MUSK: variants seen among roughly 807,000 people sequenced by gnomAD.
MUSK encodes muscle associated receptor tyrosine kinase, also known as muscle, skeletal receptor tyrosine-protein kinase.
In MUSK, 55 loss-of-function variants were observed where a neutral mutation model predicts 88.7. The ratio of observed to expected loss-of-function variants is 0.62; its 90% CI spans 0.50 to 0.78. The LOEUF is 0.78. MUSK is among the 30% of genes least tolerant of loss of function. The pLI, the probability that MUSK is intolerant of heterozygous loss-of-function variation, is 0.00. For missense variants in MUSK, 1,015 were observed against 1,074.3 expected (o/e 0.94, Z 0.77); for synonymous variants, 387 against 391.9 (o/e 0.99, Z 0.15).
chr9:110,732,949 T>G (rs550534122), intron 5 of MUSK, among the ~76,000 whole-genome samples: 65 of 152,242 alleles, frequency 4.3e-4, no homozygotes, highest in African/African-American at 1.6e-3. Context: ...TAAGAGGTAC[T>G]CAACAATGAG....
intron 8 of MUSK, among the ~76,000 whole-genome samples, chr9:110,767,510 A>G (rs1483580316): frequency 6.6e-6 from 1 of 152,194 alleles, no homozygotes; most frequent in Non-Finnish European, 1.5e-5. Flanking sequence ...ATTAACTAAG[A>G]GTAGTCAGAT....
At chr9:110,684,254 A>G (rs1334842283) in intron 2 of MUSK, among the ~76,000 whole-genome samples, 1 of 151,956 alleles carries the variant, frequency 6.6e-6, no homozygotes, top group Non-Finnish European at 1.5e-5. Flanking sequence ...TTCCCAGTGT[A>G]TGTTCTTGGT....
chr9:110,751,686 A>C (rs1287977426), intron 7 of MUSK, among the ~76,000 whole-genome samples: 1 of 152,078 alleles, frequency 6.6e-6, no homozygotes. Flanking sequence ...CCTGGAAGTG[A>C]GGCTTGAAGC....
intron 8 of MUSK, among the ~76,000 whole-genome samples, chr9:110,765,632 G>A (rs1234722235): frequency 6.6e-6 from 1 of 152,134 alleles, no homozygotes; most frequent in Non-Finnish European, 1.5e-5. Flanking sequence ...GGAGTGCAGA[G>A]GTGCAATCTC....
At chr9:110,774,789 A>G (rs906049379) in intron 9 of MUSK, among the ~76,000 whole-genome samples, 3 of 152,076 alleles carry the variant, frequency 2.0e-5, no homozygotes, top group Non-Finnish European at 4.4e-5. Context: ...TGCATACTCA[A>G]TTAGCACATA....
At position 110,801,052 on chromosome 9, in the gene MUSK, T is replaced by C. The variant is rs2078091217; in HGVS notation, c.*64T>C. 7.3e-7 allele frequency: 1 copy of C among 1,375,058 alleles called. No individual in the cohort carries two copies. Among genetic ancestry groups the C allele is most frequent in the Non-Finnish European group, 9.6e-7 (1 of 1,042,774 alleles). The allele number at this position is 1,375,058 out of a possible 1,614,324, so 85.2% of individuals were successfully genotyped here. A position where few individuals can be genotyped will look rare whatever the true frequency, so the allele number is the denominator to read the frequency against. ...CAGACTCTGTGAGCCAGGGGAATCC[T>C]ACACCAGAGGCCCAACAAGACCCAC... On this transcript the variant is annotated 3_prime_UTR_variant, in exon 15 of 15. Transcript: ENST00000374448.
At chr9:110,681,718 G>A (rs759761939) in intron 1 of MUSK, among the ~76,000 whole-genome samples, 39 of 151,976 alleles carry the variant, frequency 2.6e-4, no homozygotes, top group Non-Finnish European at 5.6e-4. Flanking sequence ...GCTTGCCTTT[G>A]ACTTTACCAA....
At chr9:110,797,290 A>G (rs1193329001) in intron 14 of MUSK, among the ~76,000 whole-genome samples, 1 of 125,884 alleles carries the variant, frequency 7.9e-6, no homozygotes, top group Non-Finnish European at 1.9e-5. Flanking sequence ...AAAACAAACA[A>G]ACAAAAAAAA....
chr9:110,742,178 C>T (rs943580530), intron 6 of MUSK, among the ~76,000 whole-genome samples: 3 of 152,022 alleles, frequency 2.0e-5, no homozygotes, highest in Admixed American at 6.6e-5. Flanking sequence ...GAGACTGGGC[C>T]GGGTGCGGTG....
intron 7 of MUSK, among the ~76,000 whole-genome samples, chr9:110,760,259 G>T (rs539213271): frequency 6.6e-6 from 1 of 152,214 alleles, no homozygotes; most frequent in Admixed American, 6.5e-5. Flanking sequence ...ACACATGCAT[G>T]CAAATGTTCG....
rs938360275 is a variant in MUSK, at chr9:110,801,507, C to T, written c.*519C>T. ...GACGAGTCTTAGTGTTTTATTAAAT[C>T]TTTCTTGCATTTAATGCATAATTTT... On this transcript the variant is annotated 3_prime_UTR_variant, in exon 15 of 15. Transcript: ENST00000374448. The T allele has an allele frequency of 1.3e-5, 2 of 152,242 alleles. No homozygotes were observed. The highest frequency in any genetic ancestry group is 4.8e-5 in the African/African-American group (2 of 41,448). 9.4% of individuals were successfully genotyped at this position (152,242 alleles called of 1,614,324 possible). A position where few individuals can be genotyped will look rare whatever the true frequency, so the allele number is the denominator to read the frequency against.
chr9:110,761,567 C>CTTTTTTTTT lies in MUSK; in HGVS notation c.914-617_914-609dup, dbSNP rs1168716499. Among the ~76,000 whole-genome samples the CTTTTTTTTT allele has an allele frequency of 5.7e-5, 3 of 52,738 alleles. 1 individual carries two copies. The highest frequency in any genetic ancestry group is 1.1e-4 in the Non-Finnish European group (3 of 28,060). 34.6% of individuals were successfully genotyped at this position (52,738 alleles called of 152,430 possible). On this transcript the variant is annotated intron_variant, in intron 7 of 14. Coordinates refer to ENST00000374448, the MANE Select transcript of MUSK (RefSeq NM_005592.4). ...CTTCTCTGTTAACCTCCACATCTTG[C>CTTTTTTTTT]TTTTTTTTTTTTTTTTTTTTTTTTT...
At chr9:110,761,438 GAAC>G (rs1246272814) in intron 7 of MUSK, among the ~76,000 whole-genome samples, 2 of 151,616 alleles carry the variant, frequency 1.3e-5, no homozygotes, top group African/African-American at 4.9e-5. Flanking sequence ...AGGTCTATGA[GAAC>G]AACCATTGCC....
chr9:110,723,236 C>CAT (rs1554744137), intron 5 of MUSK, among the ~76,000 whole-genome samples: 1 of 148,122 alleles, frequency 6.8e-6, no homozygotes, highest in Non-Finnish European at 1.5e-5. Context: ...CATATACATA[C>CAT]ACACACACAC....
At chr9:110,682,550 G>A (rs1001708112) in intron 1 of MUSK, 124 bp from the exon 2 acceptor site, 1 of 943,660 alleles carries the variant, frequency 1.1e-6, no homozygotes, top group African/African-American at 1.7e-5. Context: ...CCTTTCTTTT[G>A]GCAAATTTCT....
Position 110,804,962 on chromosome 9 carries a change from G to A in MUSK, c.*3974G>A, listed in dbSNP as rs7042125. ...AGATCATACTGCTACATTACTTCAAGCCTTGCTTTTATCACTTAATATATC... is the reference window on the plus strand; with the variant it reads ...AGATCATACTGCTACATTACTTCAAACCTTGCTTTTATCACTTAATATATC... On this transcript the variant is annotated 3_prime_UTR_variant, in exon 15 of 15. Coordinates refer to ENST00000374448, the MANE Select transcript of MUSK (RefSeq NM_005592.4). 0.029 allele frequency among the ~76,000 whole-genome samples: 4,351 copies of A among 151,920 alleles called. 222 individuals carry two copies. The highest frequency in any genetic ancestry group is 0.1 in the African/African-American group (4,174 of 41,494).
At chr9:110,756,489 C>G (rs926385117) in intron 7 of MUSK, among the ~76,000 whole-genome samples, 10 of 151,600 alleles carry the variant, frequency 6.6e-5, no homozygotes, top group African/African-American at 2.4e-4. Context: ...TTCCTGGACC[C>G]TCTCACTCTG....
At chr9:110,696,922 A>G (rs7031332) in intron 4 of MUSK, among the ~76,000 whole-genome samples, 71,237 of 151,288 alleles carry the variant, frequency 0.47, 17,361 homozygotes, top group East Asian at 0.86. Flanking sequence ...TACCCAGTAT[A>G]TAGTTTTGTA....
At chr9:110,748,834 C>A (rs377068372) in intron 7 of MUSK, among the ~76,000 whole-genome samples, 54 of 152,116 alleles carry the variant, frequency 3.5e-4, no homozygotes, top group African/African-American at 1.2e-3. Context: ...CAAGGCTGGC[C>A]CTCTGGGACT....
Sources: allele counts gnomAD v4.1 joint callset (sites outside exome capture counted in the v4.1 genomes callset), GRCh38; gene constraint gnomAD v4.1.1; transcripts MANE v1.5; gene names NCBI Gene and HGNC (gene_info 2026-07-23, HGNC 2026-07-21).